Variants in CARS2 observed in about 807,000 individuals in gnomAD.
CARS2 encodes probable cysteine--tRNA ligase, mitochondrial.
In CARS2, 52 loss-of-function variants were observed where a neutral mutation model predicts 68.8. The ratio of observed to expected loss-of-function variants is 0.76; its 90% confidence interval spans 0.61 to 0.95. The LOEUF (loss-of-function observed/expected upper bound fraction) is 0.95. CARS2 is among the 40% of genes least tolerant of loss of function. The pLI is 0.00. For synonymous variants in CARS2, 314 were observed against 303.6 expected (o/e 1.03, Z -0.36); for missense variants, 780 against 754.2 (o/e 1.03, Z -0.40).
chr13:110,700,279 G>A (rs561545674), intron 3 of CARS2, among the ~76,000 whole-genome samples: 1 of 152,356 alleles, frequency 6.6e-6, no homozygotes, highest in South Asian at 2.1e-4. Flanking sequence ...TCTGGAAGGG[G>A]TTCTAGAACA....
intron 7 of CARS2, among the ~76,000 whole-genome samples, chr13:110,671,413 C>T (rs926468970): frequency 1.3e-5 from 2 of 152,190 alleles, no homozygotes; most frequent in Admixed American, 6.5e-5. Flanking sequence ...CAATATTCAA[C>T]GTTCTTAAAG....
chr13:110,661,537 G>T (rs2062503882), intron 9 of CARS2, among the ~76,000 whole-genome samples: 1 of 152,214 alleles, frequency 6.6e-6, no homozygotes, highest in Non-Finnish European at 1.5e-5. Context: ...AATCATTCGT[G>T]TGTTCGCTGG....
intron 3 of CARS2, among the ~76,000 whole-genome samples, chr13:110,696,551 T>C (rs950995137): frequency 6.6e-6 from 1 of 152,230 alleles, no homozygotes; most frequent in Non-Finnish European, 1.5e-5. Flanking sequence ...AAACAGATGT[T>C]TTCATAACTA....
At chr13:110,658,581 T>C (rs1482729722) in intron 9 of CARS2, among the ~76,000 whole-genome samples, 5 of 152,112 alleles carry the variant, frequency 3.3e-5, no homozygotes, top group African/African-American at 1.2e-4. Flanking sequence ...TGAACCTTGA[T>C]CAACTCCTCG....
intron 10 of CARS2, among the ~76,000 whole-genome samples, chr13:110,648,135 G>A (rs758555025): frequency 4.6e-5 from 7 of 152,052 alleles, no homozygotes; most frequent in Non-Finnish European, 7.4e-5. Context: ...CCTCCCCCAG[G>A]GCTGTCTAAT....
At chr13:110,687,306 A>C (rs1452043302) in intron 5 of CARS2, among the ~76,000 whole-genome samples, 2 of 152,192 alleles carry the variant, frequency 1.3e-5, no homozygotes, top group Non-Finnish European at 2.9e-5. Context: ...GACAGAAGTA[A>C]ATTTTAGTAT....
chr13:110,709,082 CTTT>C (rs113546139), upstream of CARS2, among the ~76,000 whole-genome samples: 1 of 134,480 alleles, frequency 7.4e-6, no homozygotes. Context: ...TCTCTTTTTT[CTTT>C]TTTTTTTTTT....
chr13:110,666,555 A>C, intron 8 of CARS2: 1 of 985,388 alleles, frequency 1.0e-6, no homozygotes, highest in East Asian at 1.1e-4. Context: ...AATCAGCCTC[A>C]TGTACTTTCA....
intron 9 of CARS2, among the ~76,000 whole-genome samples, chr13:110,659,398 G>A (rs1218683732): frequency 6.6e-6 from 1 of 152,136 alleles, no homozygotes; most frequent in East Asian, 1.9e-4. Flanking sequence ...CAATAGAGAG[G>A]CTCAATCTGC....
intron 7 of CARS2, among the ~76,000 whole-genome samples, chr13:110,673,266 G>T (rs1166678738): frequency 1.3e-5 from 2 of 151,918 alleles, no homozygotes; most frequent in African/African-American, 2.4e-5. Flanking sequence ...CAAAAAAGGA[G>T]AATTTTAGAC....
At chr13:110,679,487 G>A (rs1262830510) in intron 6 of CARS2, among the ~76,000 whole-genome samples, 1 of 150,492 alleles carries the variant, frequency 6.6e-6, no homozygotes, top group Non-Finnish European at 1.5e-5. Flanking sequence ...CCGAGATCGC[G>A]CCATTGCACT....
At chr13:110,672,172 C>T (rs900010279) in intron 7 of CARS2, among the ~76,000 whole-genome samples, 22 of 152,146 alleles carry the variant, frequency 1.4e-4, no homozygotes, top group Non-Finnish European at 2.4e-4. Context: ...AGAAAGTTAA[C>T]GAGGATATCC....
At chr13:110,642,241 C>T (rs530090568) in intron 14 of CARS2, 74 bp downstream of exon 14, 28 of 1,165,312 alleles carry the variant, frequency 2.4e-5, no homozygotes, top group Middle Eastern at 2.8e-4. Context: ...GATGTCTGGG[C>T]CTCTGATGGC....
chr13:110,654,932 AAAAG>A (rs1402101338), intron 9 of CARS2, among the ~76,000 whole-genome samples: 22 of 135,540 alleles, frequency 1.6e-4, no homozygotes, highest in African/African-American at 4.0e-4. Flanking sequence ...AAAAAAAAAA[AAAAG>A]AAAAAGAAAA....
intron 3 of CARS2, among the ~76,000 whole-genome samples, chr13:110,689,387 T>C (rs867040400): frequency 6.6e-5 from 10 of 152,186 alleles, no homozygotes; most frequent in South Asian, 2.1e-4. Context: ...AGAAACTTTC[T>C]CAAGCGCAAC....
At chr13:110,645,228 C>T (rs1226787057) in intron 12 of CARS2, 2 of 152,474 alleles carry the variant, frequency 1.3e-5, no homozygotes, top group Non-Finnish European at 2.9e-5. Flanking sequence ...GGACCGAAGG[C>T]ACCCGGCAAG....
chr13:110,697,943 C>T (rs1566348148), intron 3 of CARS2: 3 of 455,674 alleles, frequency 6.6e-6, no homozygotes, highest in Non-Finnish European at 1.3e-5. Context: ...CCTCAAGGAC[C>T]TCACACCATT....
At chr13:110,680,755 G>T (rs2063135527) in intron 6 of CARS2, among the ~76,000 whole-genome samples, 1 of 152,262 alleles carries the variant, frequency 6.6e-6, no homozygotes, top group African/African-American at 2.4e-5. Context: ...AGGGGAAGAA[G>T]CCAGGGGAGG....
chr13:110,693,551 G>C (rs1040249744), intron 3 of CARS2, among the ~76,000 whole-genome samples: 2 of 152,054 alleles, frequency 1.3e-5, no homozygotes, highest in African/African-American at 4.8e-5. Flanking sequence ...AGTAGACACG[G>C]GGTTTTACCG....
Sources: allele counts gnomAD v4.1 joint callset (sites outside exome capture counted in the v4.1 genomes callset), GRCh38; gene constraint gnomAD v4.1.1; transcripts MANE v1.5; gene names NCBI Gene and HGNC (gene_info 2026-07-23, HGNC 2026-07-21).